The following SEMA5A variants were observed in gnomAD, a reference collection of about 807,000 sequenced individuals.
SEMA5A encodes semaphorin 5A, also known as semaphorin-5A.
SEMA5A carries 55 observed loss-of-function variants against 135.5 expected under a neutral mutation model. The observed-to-expected ratio is 0.41, with a 90% CI of 0.33 to 0.51. SEMA5A has a LOEUF of 0.51. Among genes scored for constraint, SEMA5A ranks in the 20% least tolerant of loss-of-function variants. SEMA5A has a pLI of 0.37. For synonymous variants in SEMA5A, 580 were observed against 546.5 expected (o/e 1.06, Z -0.85); for missense variants, 1,290 against 1,419.9 (o/e 0.91, Z 1.47).
At position 9,035,727 on chromosome 5, in the gene SEMA5A, A is replaced by G. The variant is rs1735616818; in HGVS notation, c.*7170T>C. ...ATGCTTCAAATGTAAGGATTGAAAG[A>G]AAGTGTGGTGTGTCCATGGCCCCCT... On this transcript the variant is annotated 3_prime_UTR_variant, in exon 23 of 23. Coordinates refer to ENST00000382496, the MANE Select transcript of SEMA5A (RefSeq NM_003966.3). The G allele has an allele frequency of 6.6e-6, 1 of 152,152 alleles. No homozygotes were observed. 9.4% of individuals were successfully genotyped at this position (152,152 alleles called of 1,614,324 possible).
At chr5:9,104,379 GT>G (rs1342379966) in intron 16 of SEMA5A, among the ~76,000 whole-genome samples, 9 of 152,134 alleles carry the variant, frequency 5.9e-5, no homozygotes, top group Admixed American at 5.9e-4. Flanking sequence ...ATTAACTCCA[GT>G]ATGTGTAGTT....
chr5:9,121,219 T>C (rs1281261945), intron 14 of SEMA5A, among the ~76,000 whole-genome samples: 1 of 152,208 alleles, frequency 6.6e-6, no homozygotes, highest in Non-Finnish European at 1.5e-5. Flanking sequence ...TACACGTATA[T>C]GTCTATTACC....
At chr5:9,296,624 G>GT (rs1751346292) in intron 5 of SEMA5A, among the ~76,000 whole-genome samples, 1 of 151,918 alleles carries the variant, frequency 6.6e-6, no homozygotes, top group African/African-American at 2.4e-5. Flanking sequence ...GCTTAATTTG[G>GT]TTACCTGTTA....
chr5:9,511,918 T>C (rs1427163197), intron 1 of SEMA5A: 1 of 152,190 alleles, frequency 6.6e-6, no homozygotes, highest in Non-Finnish European at 1.5e-5. Flanking sequence ...AATAATAGTA[T>C]GTAACACTAA....
intron 2 of SEMA5A, among the ~76,000 whole-genome samples, chr5:9,420,601 G>T (rs1561238711): frequency 6.6e-6 from 1 of 152,166 alleles, no homozygotes; most frequent in Non-Finnish European, 1.5e-5. Context: ...CAATGACTGG[G>T]GGCTGGGAGA....
chr5:9,167,614 C>T (rs534693948), intron 11 of SEMA5A, among the ~76,000 whole-genome samples: 52 of 152,326 alleles, frequency 3.4e-4, no homozygotes, highest in Middle Eastern at 3.4e-3. Flanking sequence ...ATCTCCCCAT[C>T]CCCCAAGAGC....
chr5:9,203,234 C>CT (rs1342917678), intron 8 of SEMA5A, among the ~76,000 whole-genome samples: 4 of 149,662 alleles, frequency 2.7e-5, no homozygotes, highest in African/African-American at 1.0e-4. Flanking sequence ...CAGCAAGTAT[C>CT]TTAATTTTCT....
rs562747086 is a variant in SEMA5A at position 9,287,540 on chromosome 5, A to G, written c.270+30832T>C. On this transcript the variant is annotated intron_variant, in intron 5 of 22. Coordinates refer to ENST00000382496, the MANE Select transcript of SEMA5A (RefSeq NM_003966.3). The stretch of plus-strand genomic sequence containing the variant: ...CCATTGCAAGAATTTATAATTTATA[A>G]ACCTTTAAAAATTATATTCTTCTGA... Among the ~76,000 whole-genome samples, 8 of 152,324 alleles carry G rather than the reference A, an allele frequency of 5.3e-5. No individual in the cohort carries two copies. In the South Asian group the frequency reaches 1.5e-3, roughly 28 times the overall value.
chr5:9,296,144 T>C (rs1357692334), intron 5 of SEMA5A, among the ~76,000 whole-genome samples: 1 of 152,002 alleles, frequency 6.6e-6, no homozygotes, highest in Non-Finnish European at 1.5e-5. Context: ...GGCAAGAAAA[T>C]AGAGAGTTGA....
At chr5:9,278,806 G>C (rs759589768) in intron 5 of SEMA5A, among the ~76,000 whole-genome samples, 1 of 152,252 alleles carries the variant, frequency 6.6e-6, no homozygotes. Context: ...GCCTGCAGGT[G>C]CACAGAAGGT....
chr5:9,069,607 C>T (rs574007943), intron 16 of SEMA5A, among the ~76,000 whole-genome samples: 2 of 152,050 alleles, frequency 1.3e-5, no homozygotes, highest in East Asian at 3.9e-4. Flanking sequence ...TTTTTTACAG[C>T]GGATAACACT....
At chr5:9,114,518 T>C (rs1371646186) in intron 15 of SEMA5A, among the ~76,000 whole-genome samples, 1 of 152,138 alleles carries the variant, frequency 6.6e-6, no homozygotes, top group Non-Finnish European at 1.5e-5. Flanking sequence ...AACAGGAATA[T>C]ATTATCAGGA....
rs530689674 is a variant in SEMA5A, at chr5:9,112,566, G to A, written c.1926-4279C>T. Reference sequence around the variant, plus strand: ...CATAATATTTAATTCAAGCCATTTAGGAAGAAAAATAACTTGTGAAGAACA... The same window carrying A: ...CATAATATTTAATTCAAGCCATTTAAGAAGAAAAATAACTTGTGAAGAACA... On this transcript the variant is annotated intron_variant, in intron 15 of 22. Coordinates refer to ENST00000382496, the MANE Select transcript of SEMA5A (RefSeq NM_003966.3). Among the ~76,000 whole-genome samples, 16 of 152,244 alleles carry A rather than the reference G, an allele frequency of 1.1e-4. No individual in the cohort carries two copies. In the East Asian group the frequency reaches 3.1e-3, roughly 29 times the overall value.
In SEMA5A at chr5:9,202,129, AC is replaced by A. The variant is rs1579601940; in HGVS notation, c.757del (p.Val253CysfsTer20). On this transcript the variant is annotated frameshift_variant, in exon 9 of 23. Coordinates refer to ENST00000382496, the MANE Select transcript of SEMA5A (RefSeq NM_003966.3). LOFTEE classifies it high-confidence loss of function. Reference sequence around the variant, plus strand: ...GCGCCCACCAATATCGTTCTTGCACACCCGGGCAGCTCTGGAGAACACTGTT... The same window carrying A: ...GCGCCCACCAATATCGTTCTTGCACACCGGGCAGCTCTGGAGAACACTGTT... Reference protein sequence around the residue: ...GKTVFSRAARVCKNDIGGRFL... With the variant: ...GKTVFSRAARXCKNDIGGRFL... 1.2e-6 allele frequency: 2 copies of A among 1,614,130 alleles called. No homozygotes were observed. Among genetic ancestry groups the A allele is most frequent in the South Asian group, 1.1e-5 (1 of 91,074 alleles).
rs1052670957 is a variant in SEMA5A, at chr5:9,036,731, CAT to C, written c.*6164_*6165del. ...TTTTCTATTCCTGAGTTCAAAGAGACATAGGAGAATAATTTTCTTTAAAGTAA... is the reference window on the plus strand; with the variant it reads ...TTTTCTATTCCTGAGTTCAAAGAGACAGGAGAATAATTTTCTTTAAAGTAA... On this transcript the variant is annotated 3_prime_UTR_variant, in exon 23 of 23. Transcript: ENST00000382496. The C allele has an allele frequency of 1.3e-5, 2 of 152,602 alleles. No homozygotes were observed. The highest frequency in any genetic ancestry group is 2.4e-5 in the African/African-American group (1 of 41,438). 9.5% of individuals were successfully genotyped at this position (152,602 alleles called of 1,614,324 possible).
At chr5:9,314,651 A>G (rs1752312221) in intron 5 of SEMA5A, among the ~76,000 whole-genome samples, 1 of 152,060 alleles carries the variant, frequency 6.6e-6, no homozygotes, top group South Asian at 2.1e-4. Context: ...ATTAAAATAA[A>G]ATATTCATAG....
In SEMA5A at chr5:9,456,519, T is replaced by C. The variant is rs557562047; in HGVS notation, c.-174-18667A>G. 1.4e-4 allele frequency among the ~76,000 whole-genome samples: 22 copies of C among 152,262 alleles called. No individual in the cohort carries two copies. The South Asian group carries it at 4.6e-3, about 32-fold the overall frequency. On this transcript the variant is annotated intron_variant, in intron 1 of 22. Coordinates refer to ENST00000382496, the MANE Select transcript of SEMA5A (RefSeq NM_003966.3). ...CTTCTTTGAGCAGGCAGAGCACAAT[T>C]AAGGACACCTGTGATTTTAGGAGCT...
At chr5:9,318,994 G>T (rs1373077223) in intron 4 of SEMA5A, among the ~76,000 whole-genome samples, 2 of 152,084 alleles carry the variant, frequency 1.3e-5, no homozygotes, top group Admixed American at 6.6e-5. Context: ...ATCCTGAGAG[G>T]CAGAGGTTGC....
chr5:9,186,210 G>A (rs563367648), intron 11 of SEMA5A, among the ~76,000 whole-genome samples: 143 of 152,284 alleles, frequency 9.4e-4, no homozygotes, highest in African/African-American at 3.3e-3. Flanking sequence ...GACACCAGGA[G>A]AGATACAGGG....
Sources: gnomAD v4.1 joint callset for allele counts (sites outside exome capture counted in the v4.1 genomes callset) on GRCh38, gnomAD v4.1.1 for gene constraint, MANE v1.5 for transcripts, NCBI Gene and HGNC (gene_info 2026-07-23, HGNC 2026-07-21) for gene names.